Variants in RTTN observed in about 807,000 individuals in gnomAD.
RTTN encodes rotatin.
In RTTN, 182 loss-of-function variants were observed where a neutral mutation model predicts 269.2. The observed-to-expected ratio is 0.68, with a 90% CI of 0.60 to 0.76. The LOEUF is 0.76. Among genes scored for constraint, RTTN ranks in the 30% least tolerant of loss-of-function variants. The probability of loss-of-function intolerance (pLI) is 0.00; values close to 1 mark genes in which losing one functional copy is unlikely to be tolerated. For synonymous variants in RTTN, 1,006 were observed against 963.5 expected, an observed-to-expected ratio of 1.04 and a Z score of -0.82; for missense variants, 2,545 against 2,608.6, an observed-to-expected ratio of 0.98 and a Z score of 0.53.
intron 14 of RTTN, among the ~76,000 whole-genome samples, chr18:70,162,808 G>C (rs1213891597): frequency 7.2e-6 from 1 of 138,294 alleles, no homozygotes; most frequent in Non-Finnish European, 1.5e-5. Context: ...AAAATCATTT[G>C]TACACCAAAC....
intron 25 of RTTN, among the ~76,000 whole-genome samples, chr18:70,125,460 C>T (rs555673077): frequency 3.9e-5 from 6 of 151,966 alleles, no homozygotes; most frequent in East Asian, 1.9e-4. Context: ...ACCTCTTTTG[C>T]GGAACATTCA....
At position 70,121,661 on chromosome 18, in the gene RTTN, T is replaced by C. The variant is rs758225382; in HGVS notation, c.3423A>G (p.Lys1141=). 8 of 1,568,136 alleles carry C rather than the reference T, an allele frequency of 5.1e-6. No individual in the cohort carries two copies. Among genetic ancestry groups the C allele is most frequent in the Non-Finnish European group, 6.9e-6 (8 of 1,164,152 alleles). ...AAAAATGTATGATATCTATTAGCAG[T>C]TTCTCATCTTCAGTGCAAGCAGGAA... ...QVLPACTEDE[K]LLIDIIHFLN... The change falls in exon 26 of 49, where the codon AAA becomes AAG. Residue 1141 remains lysine (K), a synonymous_variant. Coordinates refer to ENST00000640769, the MANE Select transcript of RTTN (RefSeq NM_173630.4).
intron 26 of RTTN, among the ~76,000 whole-genome samples, chr18:70,118,515 T>C (rs2059655038): frequency 1.3e-5 from 2 of 152,094 alleles, no homozygotes; most frequent in Non-Finnish European, 2.9e-5. Flanking sequence ...ACCAAACATT[T>C]AAAGAATTAA....
intron 14 of RTTN, among the ~76,000 whole-genome samples, chr18:70,162,824 C>A (rs2060869177): frequency 7.3e-6 from 1 of 137,888 alleles, no homozygotes; most frequent in African/African-American, 2.6e-5. Flanking sequence ...CAAACCCCAG[C>A]AGCACACAAT....
At chr18:70,066,975 T>C (rs569932065) in intron 34 of RTTN, among the ~76,000 whole-genome samples, 4 of 152,276 alleles carry the variant, frequency 2.6e-5, no homozygotes, top group African/African-American at 9.6e-5. Context: ...TAAGTAAGTA[T>C]AACAGTCATG....
chr18:70,051,742 TC>T lies in RTTN; in HGVS notation c.5186-195del, dbSNP rs2057676877. On this transcript the variant is annotated intron_variant, in intron 38 of 48. Coordinates refer to ENST00000640769, the MANE Select transcript of RTTN (RefSeq NM_173630.4). Reference sequence around the variant, plus strand: ...TTCTTTTCCATTGCTTCTTAAGATATCTCCCCTCCACCCTCCTGCATATAAA... The same window carrying T: ...TTCTTTTCCATTGCTTCTTAAGATATTCCCCTCCACCCTCCTGCATATAAA... Among the ~76,000 whole-genome samples, 3 of 152,202 alleles carry T rather than the reference TC, an allele frequency of 2.0e-5. No homozygotes were observed. In the East Asian group the frequency reaches 5.8e-4, roughly 29 times the overall value.
intron 28 of RTTN, among the ~76,000 whole-genome samples, chr18:70,095,754 A>G (rs2058986114): frequency 6.6e-6 from 1 of 151,584 alleles, no homozygotes; most frequent in Admixed American, 6.6e-5. Flanking sequence ...GCCTTGGTAA[A>G]TCTGACGATT....
chr18:70,139,785 T>A, intron 20 of RTTN, 69 bp from the exon 21 acceptor site: 1 of 900,050 alleles, frequency 1.1e-6, no homozygotes, highest in Non-Finnish European at 1.8e-6. Flanking sequence ...CAGACCATAA[T>A]ATTATCTTAC....
Position 70,121,574 on chromosome 18 carries a change from G to T in RTTN, c.3510C>A (p.Leu1170=). The T allele has an allele frequency of 6.4e-7, 1 of 1,564,780 alleles. No individual in the cohort carries two copies. Among genetic ancestry groups the T allele is most frequent in the East Asian group, 2.3e-5 (1 of 43,526 alleles). Residue 1170 remains leucine (L), a synonymous_variant, in exon 26 of 49, where the codon CTC becomes CTA. Transcript: ENST00000640769. ...CACTTACATGTCTAAGAAGTAATTCGAGAATCCAGTTTAGAAGTTCTAGTG... is the reference window on the plus strand; with the variant it reads ...CACTTACATGTCTAAGAAGTAATTCTAGAATCCAGTTTAGAAGTTCTAGTG... The part of the protein sequence containing the change: ...NSSLELLNWI[L]ELLLRHSANP...
At chr18:70,199,318 A>C (rs2146164901) in intron 5 of RTTN, 96 bp downstream of exon 5, 2 of 743,914 alleles carry the variant, frequency 2.7e-6, no homozygotes, top group Non-Finnish European at 4.4e-6. Context: ...TTTCACTGCC[A>C]CTAGTATCTT....
chr18:70,205,338 T>A (rs777141041), intron 1 of RTTN, 23 bp from the exon 2 acceptor site: 1 of 1,611,782 alleles, frequency 6.2e-7, no homozygotes. Flanking sequence ...GGCACAAAAC[T>A]ATTTTATTTC....
At chr18:70,007,630 G>T (rs114537126) in intron 46 of RTTN, 3,390 of 152,320 alleles carry the variant, frequency 0.022, 45 homozygotes, top group South Asian at 0.038. Context: ...CAGTGCAAAC[G>T]AAGGCACTGG....
chr18:70,038,067 T>C (rs368511225), intron 40 of RTTN, among the ~76,000 whole-genome samples: 2 of 152,172 alleles, frequency 1.3e-5, no homozygotes, highest in Non-Finnish European at 2.9e-5. Context: ...CCCAGTATTG[T>C]GGTTTGAGTG....
At position 70,150,696 on chromosome 18, in the gene RTTN, G is replaced by A. The variant is rs778158645; in HGVS notation, c.1967C>T (p.Ser656Phe). The change falls in exon 15 of 49, where the codon TCT becomes TTT. Residue 656 changes from serine to phenylalanine, a missense_variant. Coordinates refer to ENST00000640769, the MANE Select transcript of RTTN (RefSeq NM_173630.4). Reference protein sequence around the residue: ...LGVHNVTKPVSSLCNGIHFLL... With the variant: ...LGVHNVTKPVFSLCNGIHFLL... ...AAAATGAATTCCATTGCAAAGTGAAGACACGGGTTTAGTGACATTATGGAC... is the reference window on the plus strand; with the variant it reads ...AAAATGAATTCCATTGCAAAGTGAAAACACGGGTTTAGTGACATTATGGAC... 1 of 1,608,828 alleles carries A rather than the reference G, an allele frequency of 6.2e-7. No individual in the cohort carries two copies. The highest frequency in any genetic ancestry group is 8.5e-7 in the Non-Finnish European group (1 of 1,175,604).
intron 35 of RTTN, among the ~76,000 whole-genome samples, chr18:70,064,721 T>A (rs1599353876): frequency 6.6e-6 from 1 of 152,244 alleles, no homozygotes; most frequent in Non-Finnish European, 1.5e-5. Context: ...GGTATAGGGT[T>A]TTTTTGCAAG....
chr18:70,017,044 G>C (rs2056561579), intron 46 of RTTN, among the ~76,000 whole-genome samples: 1 of 152,102 alleles, frequency 6.6e-6, no homozygotes. Flanking sequence ...GTTCCCGAGA[G>C]GCTTCATTGA....
intron 32 of RTTN, among the ~76,000 whole-genome samples, chr18:70,079,158 G>C (rs1257449895): frequency 6.6e-6 from 1 of 151,940 alleles, no homozygotes; most frequent in African/African-American, 2.4e-5. Flanking sequence ...TCAGTGAATG[G>C]AGAGGGACAG....
Position 70,126,222 on chromosome 18 carries a change from A to G in RTTN, c.3383+1280T>C, listed in dbSNP as rs1373912615. ...AGTCTTTCCTGTAATGTGGTATTGC[A>G]TACTATTTCTATGGTTTTAATTCAC... On this transcript the variant is annotated intron_variant, in intron 25 of 48. Coordinates refer to ENST00000640769, the MANE Select transcript of RTTN (RefSeq NM_173630.4). Among the ~76,000 whole-genome samples the G allele has an allele frequency of 2.6e-5, 4 of 152,130 alleles. No individual in the cohort carries two copies. In the South Asian group the frequency reaches 6.2e-4, roughly 24 times the overall value.
chr18:70,079,675 G>C (rs939458921), intron 32 of RTTN, among the ~76,000 whole-genome samples: 2 of 152,136 alleles, frequency 1.3e-5, no homozygotes, highest in Non-Finnish European at 1.5e-5. Context: ...TTGCCAGAGA[G>C]AGCTGAGAAG....
Sources: gnomAD v4.1 joint callset for allele counts (sites outside exome capture counted in the v4.1 genomes callset) on GRCh38, gnomAD v4.1.1 for gene constraint, MANE v1.5 for transcripts, NCBI Gene and HGNC (gene_info 2026-07-23, HGNC 2026-07-21) for gene names.